EBNA1BP2: variants seen among roughly 807,000 people sequenced by gnomAD.
EBNA1BP2 encodes the protein EBNA1 binding protein 2, also known as probable rRNA-processing protein EBP2.
In EBNA1BP2, 36 loss-of-function variants were observed where a neutral mutation model predicts 43.5. The observed-to-expected ratio is 0.83, with a 90% CI of 0.63 to 1.09. EBNA1BP2 has a LOEUF of 1.09. EBNA1BP2 is among the 50% of genes least tolerant of loss of function. EBNA1BP2 has a pLI of 0.00. For missense variants in EBNA1BP2, 332 were observed against 379.1 expected (o/e 0.88, Z 1.03); for synonymous variants, 127 against 141.3 (o/e 0.90, Z 0.72).
chr1:43,164,338 G>C lies in EBNA1BP2; in HGVS notation c.*105C>G, dbSNP rs763954033. ...TTTAATAATTTTTCTTTAGTTTATT[G>C]AAAGAAATGTTTACAACATGACACC... On this transcript the variant is annotated 3_prime_UTR_variant, in exon 9 of 9. Coordinates refer to ENST00000236051, the MANE Select transcript of EBNA1BP2 (RefSeq NM_006824.3). 8 of 1,386,536 alleles carry C rather than the reference G, an allele frequency of 5.8e-6. No individual in the cohort carries two copies. The highest frequency in any genetic ancestry group is 8.1e-6 in the Non-Finnish European group (8 of 989,334). 85.9% of individuals were successfully genotyped at this position (1,386,536 alleles called of 1,614,324 possible).
Position 43,164,757 on chromosome 1 carries a change from T to C in EBNA1BP2, c.756A>G (p.Gly252=). ...TGTTCCACTTTGAGCCTTTCTTCTT[T>C]CCACCAAAACCAAACTTCTGGTTTT... ...RYKNQKFGFG[G]KKKGSKWNTR... The change falls in exon 8 of 9, where the codon GGA becomes GGG. Residue 252 remains glycine (G), a synonymous_variant. Coordinates refer to ENST00000236051, the MANE Select transcript of EBNA1BP2 (RefSeq NM_006824.3). The C allele has an allele frequency of 6.2e-7, 1 of 1,614,240 alleles. No individual in the cohort carries two copies. The highest frequency in any genetic ancestry group is 1.3e-5 in the African/African-American group (1 of 75,050).
At position 43,168,786 on chromosome 1, in the gene EBNA1BP2, T is replaced by C. The variant is rs1225733181; in HGVS notation, c.537+153A>G. Among the ~76,000 whole-genome samples the C allele has an allele frequency of 3.3e-5, 5 of 152,194 alleles. No homozygotes were observed. In the South Asian group the frequency reaches 8.3e-4, roughly 25 times the overall value. ...GGGAACCACTCATGTCCAGGCAAGA[T>C]TGTGCTCATGAATACCAGCACATAC... On this transcript the variant is annotated intron_variant, in intron 5 of 8. Coordinates refer to ENST00000236051, the MANE Select transcript of EBNA1BP2 (RefSeq NM_006824.3).
At position 43,171,618 on chromosome 1, in the gene EBNA1BP2, G is replaced by C; in HGVS notation, c.184C>G (p.Arg62Gly). The change falls in exon 3 of 9, where the codon CGG becomes GGG. Residue 62 changes from arginine (R) to glycine (G), a missense_variant. Transcript: ENST00000236051. ...AGCCTTTCAACCCATTCCAGATCCC[G>C]CTTGAATTCTGCCAAACATTGCTTC... is the stretch of plus-strand genomic sequence containing the variant. The part of the protein sequence containing the change: ...GLKQCLAEFK[R>G]DLEWVERLDV... 6.2e-7 allele frequency: 1 copy of C among 1,614,040 alleles called. No individual in the cohort carries two copies. Among genetic ancestry groups the C allele is most frequent in the Non-Finnish European group, 8.5e-7 (1 of 1,179,996 alleles).
chr1:43,168,877 AC>A lies in EBNA1BP2; in HGVS notation c.537+61del, dbSNP rs951220025. On this transcript the variant is annotated intron_variant, in intron 5 of 8. Coordinates refer to ENST00000236051, the MANE Select transcript of EBNA1BP2 (RefSeq NM_006824.3). The stretch of plus-strand genomic sequence containing the variant: ...TCAGTTCAGGGGACCAAGTCAGACC[AC>A]GGCAATCTCATCTAACACACACTCC... 1.5e-5 allele frequency: 23 copies of A among 1,547,820 alleles called. No individual in the cohort carries two copies. In the African/African-American group the frequency reaches 2.6e-4, roughly 17 times the overall value.
At chr1:43,172,503 G>A, upstream of EBNA1BP2, 1 of 1,386,466 alleles carries the variant, frequency 7.2e-7, no homozygotes, top group Non-Finnish European at 9.5e-7. Context: ...AGCAGTGAGG[G>A]TACAAAGGAA....
At chr1:43,169,802 A>G (rs751093852) in intron 4 of EBNA1BP2, among the ~76,000 whole-genome samples, 3 of 152,188 alleles carry the variant, frequency 2.0e-5, no homozygotes, top group Non-Finnish European at 2.9e-5. Flanking sequence ...AGTGAGTGAC[A>G]GGCAAGCAAG....
upstream of EBNA1BP2, chr1:43,172,338 T>C: frequency 6.4e-7 from 1 of 1,551,590 alleles, no homozygotes; most frequent in South Asian, 1.2e-5. Flanking sequence ...ATACTTCCGG[T>C]TTGTCGTTGC....
chr1:43,171,294 G>T, intron 3 of EBNA1BP2, 185 bp downstream of exon 3: 1 of 739,590 alleles, frequency 1.4e-6, no homozygotes, highest in Non-Finnish European at 2.0e-6. Flanking sequence ...GTGGATTTTG[G>T]ATCGTGACCG....
At chr1:43,166,701 GGCA>G in intron 7 of EBNA1BP2, 122 bp downstream of exon 7, 1 of 933,296 alleles carries the variant, frequency 1.1e-6, no homozygotes, top group East Asian at 2.4e-5. Context: ...CCTGGCCCCA[GGCA>G]GCAGCTGCAC....
intron 5 of EBNA1BP2, among the ~76,000 whole-genome samples, chr1:43,168,559 TG>T (rs1475454559): frequency 6.6e-6 from 1 of 152,324 alleles, no homozygotes; most frequent in East Asian, 1.9e-4. Context: ...CAGAATCACC[TG>T]GAAAGCTTTT....
At position 43,170,802 on chromosome 1, in the gene EBNA1BP2, G is replaced by A; in HGVS notation, c.401C>T (p.Thr134Ile). ...TTTGGCCATTTCCGCAAAATAATCA[G>A]TGGGTCGCTTCGTAGGGACTTTGAG... ...HQLKVPTKRP[T>I]DYFAEMAKSD... Residue 134 changes from threonine (T) to isoleucine (I), a missense_variant, in exon 4 of 9, where the codon ACT (threonine) becomes ATT (isoleucine). Thr to Ile is a moderately conservative substitution (Grantham distance 89, BLOSUM62 -1). Coordinates refer to ENST00000236051, the MANE Select transcript of EBNA1BP2 (RefSeq NM_006824.3). 2 of 1,607,872 alleles carry A rather than the reference G, an allele frequency of 1.2e-6. No individual in the cohort carries two copies. Among genetic ancestry groups the A allele is most frequent in the Admixed American group, 1.7e-5 (1 of 58,864 alleles).
At chr1:43,164,573 G>A in intron 8 of EBNA1BP2, 70 bp downstream of exon 8, 1 of 1,613,922 alleles carries the variant, frequency 6.2e-7, no homozygotes, top group South Asian at 1.1e-5. Context: ...GAACTGAAGG[G>A]AGAGGGCAGG....
In EBNA1BP2 at chr1:43,166,873, C is replaced by T. The variant is rs1331730519; in HGVS notation, c.660G>A (p.Leu220=). The T allele has an allele frequency of 6.2e-7, 1 of 1,613,170 alleles. No individual in the cohort carries two copies. The highest frequency in any genetic ancestry group is 8.5e-7 in the Non-Finnish European group (1 of 1,179,770). Residue 220 remains leucine, a synonymous_variant, in exon 7 of 9, where the codon CTG becomes CTA. Transcript: ENST00000236051. ...TGGCTCCTGCCTTCTTGCGCTGTGC[C>T]AGAGGTTTCTGATCTCCCTCAAGGA... is the stretch of plus-strand genomic sequence containing the variant. The part of the protein sequence containing the change: ...LDFLEGDQKP[L]AQRKKAGAKG...
chr1:43,172,279 C>G lies in EBNA1BP2; in HGVS notation c.-161G>C, dbSNP rs1644991572. The G allele has an allele frequency of 6.4e-7, 1 of 1,552,586 alleles. No homozygotes were observed. The highest frequency in any genetic ancestry group is 8.7e-7 in the Non-Finnish European group (1 of 1,147,426). ...GAATCGCTCCAGCGCCAGCAACTCA[C>G]AGCTACTGCTCAACTTTTGATTGGG... is the stretch of plus-strand genomic sequence containing the variant. On this transcript the variant is annotated 5_prime_UTR_variant, in exon 1 of 9. Coordinates refer to ENST00000236051, the MANE Select transcript of EBNA1BP2 (RefSeq NM_006824.3).
At chr1:43,170,930 G>C in intron 3 of EBNA1BP2, 51 bp from the exon 4 acceptor site, 2 of 1,487,106 alleles carry the variant, frequency 1.3e-6, no homozygotes, top group Non-Finnish European at 1.8e-6. Context: ...GAGGCCTTAC[G>C]TTCCTTTTCA....
chr1:43,171,579 C>T lies in EBNA1BP2; in HGVS notation c.223G>A (p.Gly75Ser), dbSNP rs771688176. ...GATCCACCGATCTCCGGTACCGGAC[C>T]CAGTGTCACATCGAGCCTTTCAACC... ...EWVERLDVTL[G>S]PVPEIGGSEA... is the part of the protein sequence containing the mutation. Residue 75 changes from glycine to serine, a missense_variant, in exon 3 of 9, where the codon GGT (glycine) becomes AGT (serine). Coordinates refer to ENST00000236051, the MANE Select transcript of EBNA1BP2 (RefSeq NM_006824.3). The T allele has an allele frequency of 6.2e-7, 1 of 1,614,156 alleles. No homozygotes were observed. The highest frequency in any genetic ancestry group is 1.1e-5 in the South Asian group (1 of 91,084).
chr1:43,166,103 C>T (rs760888500), intron 7 of EBNA1BP2, among the ~76,000 whole-genome samples: 1 of 152,214 alleles, frequency 6.6e-6, no homozygotes, highest in African/African-American at 2.4e-5. Flanking sequence ...TTCTCTCTTT[C>T]AGTCTTCATA....
chr1:43,168,504 C>T (rs747015414), intron 5 of EBNA1BP2, among the ~76,000 whole-genome samples: 3 of 152,134 alleles, frequency 2.0e-5, no homozygotes, highest in Admixed American at 1.3e-4. Flanking sequence ...TCTTCAGGTA[C>T]GTGATTATCA....
At chr1:43,168,723 A>G (rs1195079696) in intron 5 of EBNA1BP2, among the ~76,000 whole-genome samples, 1 of 152,166 alleles carries the variant, frequency 6.6e-6, no homozygotes. Context: ...ACGCCCAGAG[A>G]GGTGATTGGC....
Sources: allele counts gnomAD v4.1 joint callset (sites outside exome capture counted in the v4.1 genomes callset), GRCh38; gene constraint gnomAD v4.1.1; transcripts MANE v1.5; gene names NCBI Gene and HGNC (gene_info 2026-07-23, HGNC 2026-07-21).